HTT-AS: variants seen among roughly 807,000 people sequenced by gnomAD.
HTT-AS encodes HTT antisense RNA.
chr4:3,058,499 G>A (rs184862294), intron 2 of HTT-AS, among the ~76,000 whole-genome samples: 88 of 152,220 alleles, frequency 5.8e-4, no homozygotes, highest in Non-Finnish European at 1.0e-3. Context: ...CTTGGTTTTG[G>A]TGGGCTTTGG....
At chr4:3,048,105 G>C (rs183733283), downstream of HTT-AS, among the ~76,000 whole-genome samples, 1 of 152,024 alleles carries the variant, frequency 6.6e-6, no homozygotes, top group Non-Finnish European at 1.5e-5. Context: ...GGTGGTAGTG[G>C]TCCCCTGGGC....
chr4:3,057,028 GCTTTTT>G (rs1394658285), intron 2 of HTT-AS, among the ~76,000 whole-genome samples: 1 of 142,656 alleles, frequency 7.0e-6, no homozygotes, highest in African/African-American at 2.5e-5. Context: ...CTTGTGACTG[GCTTTTT>G]CTTTTTCTTT....
chr4:3,073,368 C>T (rs1213183722), intron 1 of HTT-AS, among the ~76,000 whole-genome samples: 1 of 152,250 alleles, frequency 6.6e-6, no homozygotes, highest in Non-Finnish European at 1.5e-5. Context: ...GCAGGAGGCT[C>T]TGGAGACCAG....
intron 1 of HTT-AS, chr4:3,074,296 GC>G (rs1365469172): frequency 5.7e-5 from 4 of 69,828 alleles, no homozygotes; most frequent in Non-Finnish European, 1.1e-4. Flanking sequence ...GCCTCGCCAC[GC>G]CCCTACCTCA....
At chr4:3,064,315 C>T (rs569409530) in intron 1 of HTT-AS, among the ~76,000 whole-genome samples, 28 of 151,926 alleles carry the variant, frequency 1.8e-4, no homozygotes, top group Non-Finnish European at 3.7e-4. Context: ...AGGCTGGCCT[C>T]AAACTCCTTA....
downstream of HTT-AS, among the ~76,000 whole-genome samples, chr4:3,046,953 C>T (rs1711597776): frequency 6.6e-6 from 1 of 152,096 alleles, no homozygotes; most frequent in Admixed American, 6.5e-5. Flanking sequence ...CACCCAGCTG[C>T]CAAGGCAAGA....
intron 2 of HTT-AS, among the ~76,000 whole-genome samples, chr4:3,055,255 G>A (rs1178322633): frequency 2.6e-5 from 4 of 151,378 alleles, no homozygotes; most frequent in Admixed American, 6.6e-5. Flanking sequence ...CTGTGATGGC[G>A]CCACTGCACT....
chr4:3,065,321 C>T (rs777830537), intron 1 of HTT-AS, among the ~76,000 whole-genome samples: 1 of 151,632 alleles, frequency 6.6e-6, no homozygotes, highest in Non-Finnish European at 1.5e-5. Context: ...TCACTGCACG[C>T]CCCCCGCCTC....
At chr4:3,056,673 T>C (rs1285783146) in intron 2 of HTT-AS, among the ~76,000 whole-genome samples, 6 of 152,220 alleles carry the variant, frequency 3.9e-5, no homozygotes, top group Non-Finnish European at 2.9e-5. Flanking sequence ...TGTTGCAGTT[T>C]TCACCAAAAA....
intron 2 of HTT-AS, among the ~76,000 whole-genome samples, chr4:3,055,293 G>A (rs368495999): frequency 1.5e-4 from 23 of 150,614 alleles, no homozygotes; most frequent in South Asian, 2.1e-4. Context: ...GCGAGACTCC[G>A]TCTAAAAAAA....
intron 2 of HTT-AS, among the ~76,000 whole-genome samples, chr4:3,058,064 C>T (rs545267300): frequency 6.6e-6 from 1 of 150,760 alleles, no homozygotes; most frequent in Non-Finnish European, 1.5e-5. Context: ...TGGTGGCTCA[C>T]GCCTGTAATC....
intron 2 of HTT-AS, among the ~76,000 whole-genome samples, chr4:3,058,012 C>T (rs1711842809): frequency 6.6e-6 from 1 of 151,410 alleles, no homozygotes; most frequent in Non-Finnish European, 1.5e-5. Flanking sequence ...CTGAGGGTTT[C>T]TCCCCTTTTT....
At chr4:3,057,662 G>A (rs1033908153) in intron 2 of HTT-AS, among the ~76,000 whole-genome samples, 11 of 152,192 alleles carry the variant, frequency 7.2e-5, no homozygotes, top group Middle Eastern at 3.4e-3. Flanking sequence ...TTGAGACAGA[G>A]TCTCCCTTTG....
At chr4:3,047,038 G>A (rs1415159965), downstream of HTT-AS, among the ~76,000 whole-genome samples, 5 of 152,200 alleles carry the variant, frequency 3.3e-5, no homozygotes, top group East Asian at 1.9e-4. Flanking sequence ...TAGGCCGGGC[G>A]CAGTGGCTTA....
At chr4:3,057,790 A>AT (rs1711837195) in intron 2 of HTT-AS, among the ~76,000 whole-genome samples, 1 of 151,212 alleles carries the variant, frequency 6.6e-6, no homozygotes, top group African/African-American at 2.4e-5. Flanking sequence ...CCCGCCTGTA[A>AT]TTTTTTGTAT....
At chr4:3,046,725 C>T (rs372328789), downstream of HTT-AS, among the ~76,000 whole-genome samples, 3 of 152,180 alleles carry the variant, frequency 2.0e-5, no homozygotes, top group South Asian at 2.1e-4. Context: ...TATGCTGGAA[C>T]GTCCTGTTTA....
chr4:3,062,047 G>T (rs1359165770), intron 2 of HTT-AS, among the ~76,000 whole-genome samples: 1 of 144,154 alleles, frequency 6.9e-6, no homozygotes, highest in African/African-American at 2.6e-5. Context: ...TCAGTGAGCA[G>T]AAGGATGACT....
At chr4:3,049,025 C>T (rs1711651351), downstream of HTT-AS, among the ~76,000 whole-genome samples, 1 of 152,180 alleles carries the variant, frequency 6.6e-6, no homozygotes, top group South Asian at 2.1e-4. Flanking sequence ...AGGCTGGCTG[C>T]AAAATCCTTC....
At chr4:3,064,979 A>G (rs1712015672) in intron 1 of HTT-AS, among the ~76,000 whole-genome samples, 1 of 152,222 alleles carries the variant, frequency 6.6e-6, no homozygotes, top group Admixed American at 6.5e-5. Flanking sequence ...TGGATGGTTC[A>G]ATACAAGGAA....
Sources: allele counts gnomAD v4.1 joint callset (sites outside exome capture counted in the v4.1 genomes callset), GRCh38; gene constraint gnomAD v4.1.1; transcripts MANE v1.5; gene names NCBI Gene and HGNC (gene_info 2026-07-23, HGNC 2026-07-21).